PLD5: variants seen among roughly 807,000 people sequenced by gnomAD.
PLD5 encodes the protein phospholipase D family member 5.
A neutral mutation model predicts 61.1 loss-of-function variants in PLD5; 36 were observed. The observed-to-expected ratio is 0.59, with a 90% CI of 0.45 to 0.78. PLD5 has a LOEUF of 0.78. Ranked by LOEUF, PLD5 falls within the 30% of genes least tolerant of loss-of-function variation. The probability of loss-of-function intolerance (pLI) is 0.00; values close to 1 mark genes in which losing one functional copy is unlikely to be tolerated. For synonymous variants in PLD5, 243 were observed against 242.8 expected, an observed-to-expected ratio of 1.00 and a Z score of -0.01; for missense variants, 515 against 644.4, an observed-to-expected ratio of 0.80 and a Z score of 2.17.
At chr1:242,455,369 C>T (rs570256872) in intron 1 of PLD5, among the ~76,000 whole-genome samples, 3 of 152,278 alleles carry the variant, frequency 2.0e-5, no homozygotes, top group South Asian at 4.1e-4. Flanking sequence ...TTATCTTCTA[C>T]GCCCCAATTT....
chr1:242,124,557 T>C lies in PLD5; in HGVS notation c.844A>G (p.Thr282Ala). 6.2e-7 allele frequency: 1 copy of C among 1,614,068 alleles called. No individual in the cohort carries two copies. The highest frequency in any genetic ancestry group is 8.5e-7 in the Non-Finnish European group (1 of 1,179,952). The change falls in exon 6 of 10, where the codon ACC becomes GCC. Residue 282 changes from threonine (T) to alanine (A), a missense_variant. Coordinates refer to ENST00000536534, the MANE Select transcript of PLD5 (RefSeq NM_001372062.1). ...ACTCCATAGAGTCTTTTGGACCAGG[T>C]TTGAGGCACTCTGCTTTTGAATTTT... Reference protein sequence around the residue: ...SLKFKSRVPQTWSKRLYGVYD... With the variant: ...SLKFKSRVPQAWSKRLYGVYD...
chr1:242,381,276 T>C (rs777525066), intron 1 of PLD5, among the ~76,000 whole-genome samples: 3 of 152,178 alleles, frequency 2.0e-5, no homozygotes, highest in Non-Finnish European at 2.9e-5. Context: ...GAGGCCATTA[T>C]CCTTGGCAAA....
intron 5 of PLD5, among the ~76,000 whole-genome samples, chr1:242,141,110 C>T (rs1175710299): frequency 3.3e-5 from 5 of 152,104 alleles, no homozygotes; most frequent in African/African-American, 9.7e-5. Flanking sequence ...ATCAGCACTG[C>T]CCACCCTGAA....
rs73130714 is a variant in PLD5, at chr1:242,104,512, G to A, written c.1239+3159C>T. On this transcript the variant is annotated intron_variant, in intron 8 of 9. Coordinates refer to ENST00000536534, the MANE Select transcript of PLD5 (RefSeq NM_001372062.1). ...GCAAGGATCTCTTCTACATGCAGAC[G>A]CCATGGAGACATGTTTAAGAGCTCA... Among the ~76,000 whole-genome samples the A allele has an allele frequency of 7.2e-3, 1,096 of 152,188 alleles. 18 individuals are homozygous for A. Among genetic ancestry groups the A allele is most frequent in the African/African-American group, 0.025 (1,035 of 41,516 alleles).
chr1:242,502,072 G>A (rs999560336), intron 1 of PLD5, among the ~76,000 whole-genome samples: 4 of 151,942 alleles, frequency 2.6e-5, no homozygotes, highest in Admixed American at 6.6e-5. Flanking sequence ...GGACTGCAGC[G>A]ACCACCTACA....
rs1666428793 is a variant in PLD5, at chr1:242,444,660, AATT to A, written c.189+79425_189+79427del. Among the ~76,000 whole-genome samples the A allele has an allele frequency of 4.4e-5, 3 of 67,828 alleles. No individual in the cohort carries two copies. The Admixed American group carries it at 5.5e-4, about 12-fold the overall frequency. 44.5% of individuals were successfully genotyped at this position (67,828 alleles called of 152,430 possible). A position where few individuals can be genotyped will look rare whatever the true frequency, so the allele number is the denominator to read the frequency against. ...ATATTTATATAAAATATAAATATTT[AATT>A]ATACTATACATAATATAAATATTTA... On this transcript the variant is annotated intron_variant, in intron 1 of 9. Coordinates refer to ENST00000536534, the MANE Select transcript of PLD5 (RefSeq NM_001372062.1).
chr1:242,133,388 C>G (rs1436812947), intron 5 of PLD5, among the ~76,000 whole-genome samples: 1 of 152,228 alleles, frequency 6.6e-6, no homozygotes, highest in Non-Finnish European at 1.5e-5. Context: ...AACCAGCACT[C>G]TTGAGCTGCT....
At chr1:242,393,826 G>A (rs1299229090) in intron 1 of PLD5, among the ~76,000 whole-genome samples, 5 of 147,990 alleles carry the variant, frequency 3.4e-5, no homozygotes, top group Admixed American at 7.1e-5. Flanking sequence ...TTGGGAGGCC[G>A]AGGCGGGTGG....
intron 8 of PLD5, among the ~76,000 whole-genome samples, chr1:242,105,100 A>C (rs1660943474): frequency 6.6e-6 from 1 of 152,196 alleles, no homozygotes; most frequent in Admixed American, 6.5e-5. Flanking sequence ...TACAGTGACA[A>C]ACTATTTGGT....
At chr1:242,186,167 GAT>G (rs10571090) in intron 5 of PLD5, among the ~76,000 whole-genome samples, 124,329 of 150,860 alleles carry the variant, frequency 0.82, 51,646 homozygotes, top group East Asian at 0.93. Flanking sequence ...AATGAAGAGA[GAT>G]ATATATATAT....
At chr1:242,490,781 C>T (rs1668123831) in intron 1 of PLD5, among the ~76,000 whole-genome samples, 1 of 152,042 alleles carries the variant, frequency 6.6e-6, no homozygotes, top group Non-Finnish European at 1.5e-5. Context: ...TACGTCATAC[C>T]CTAATGCTTC....
intron 1 of PLD5, among the ~76,000 whole-genome samples, chr1:242,429,345 A>G (rs1163937635): frequency 6.6e-6 from 1 of 152,228 alleles, no homozygotes; most frequent in Non-Finnish European, 1.5e-5. Context: ...AAAGCAAATT[A>G]GCAACCTAAG....
chr1:242,153,089 G>C (rs900531650), intron 5 of PLD5, among the ~76,000 whole-genome samples: 1 of 152,104 alleles, frequency 6.6e-6, no homozygotes, highest in Non-Finnish European at 1.5e-5. Flanking sequence ...GTTTTGATTT[G>C]TATTTCTCTA....
At position 242,292,188 on chromosome 1, in the gene PLD5, C is replaced by T. The variant is rs2439064; in HGVS notation, c.327-3658G>A. On this transcript the variant is annotated intron_variant, in intron 2 of 9. Coordinates refer to ENST00000536534, the MANE Select transcript of PLD5 (RefSeq NM_001372062.1). ...ATGTTAATAGAAGCTAGACATAGCG[C>T]GGATAAATAATCCCAGATACTCAGT... Among the ~76,000 whole-genome samples, 6 of 152,188 alleles carry T rather than the reference C, an allele frequency of 3.9e-5. No homozygotes were observed. The South Asian group carries it at 6.2e-4, about 16-fold the overall frequency.
intron 1 of PLD5, among the ~76,000 whole-genome samples, chr1:242,422,767 G>A (rs1318579734): frequency 1.3e-5 from 2 of 151,700 alleles, no homozygotes; most frequent in Admixed American, 1.3e-4. Flanking sequence ...TTAGCATTAT[G>A]AGCAAAAAGC....
chr1:242,410,567 A>G (rs1235863221), intron 1 of PLD5, among the ~76,000 whole-genome samples: 3 of 149,536 alleles, frequency 2.0e-5, no homozygotes, highest in Non-Finnish European at 4.5e-5. Context: ...GCTATTTTCT[A>G]TTTTTTTTTT....
intron 1 of PLD5, among the ~76,000 whole-genome samples, chr1:242,444,761 T>C (rs1175838056): frequency 7.3e-6 from 1 of 136,658 alleles, no homozygotes; most frequent in African/African-American, 3.2e-5. Flanking sequence ...ATATATATAA[T>C]ATATATTTCT....
At chr1:242,349,024 A>G (rs898387923) in intron 1 of PLD5, among the ~76,000 whole-genome samples, 2 of 152,226 alleles carry the variant, frequency 1.3e-5, no homozygotes, top group Non-Finnish European at 2.9e-5. Flanking sequence ...ACTGCACTCC[A>G]GCCTGGGTGA....
chr1:242,089,973 A>G lies in PLD5; in HGVS notation c.1492T>C (p.Tyr498His), dbSNP rs1198054213. The G allele has an allele frequency of 1.4e-5, 23 of 1,614,170 alleles. No individual in the cohort carries two copies. The highest frequency in any genetic ancestry group is 1.9e-5 in the Non-Finnish European group (23 of 1,180,034). The change falls in exon 10 of 10, where the codon TAT becomes CAT. Residue 498 changes from tyrosine to histidine, a missense_variant. Tyr to His is a moderately conservative substitution (Grantham distance 83). Coordinates refer to ENST00000536534, the MANE Select transcript of PLD5 (RefSeq NM_001372062.1). ...TTGGTTGGCTGTAAGGTTTTGGCAT[A>G]CGGTGAATACCAGTCCCTTTCAAAC... Reference protein sequence around the residue: ...DVFERDWYSPYAKTLQPTKQP... With the variant: ...DVFERDWYSPHAKTLQPTKQP...
Sources: allele counts gnomAD v4.1 joint callset (sites outside exome capture counted in the v4.1 genomes callset), GRCh38; gene constraint gnomAD v4.1.1; transcripts MANE v1.5; gene names NCBI Gene and HGNC (gene_info 2026-07-23, HGNC 2026-07-21).